SNAP91: variants seen among roughly 807,000 people sequenced by gnomAD.
SNAP91 encodes the protein clathrin coat assembly protein AP180.
A neutral mutation model predicts 100.3 loss-of-function variants in SNAP91; 27 were observed. The ratio of observed to expected loss-of-function variants is 0.27; its 90% CI spans 0.20 to 0.37. SNAP91 has a LOEUF of 0.37. Ranked by LOEUF, SNAP91 falls within the 10% of genes least tolerant of loss-of-function variation. The pLI is 1.00. For synonymous variants in SNAP91, 404 were observed against 398.6 expected (o/e 1.01, Z -0.16); for missense variants, 986 against 1,123.7 (o/e 0.88, Z 1.75).
At chr6:83,623,118 C>T (rs1019961690) in intron 9 of SNAP91, among the ~76,000 whole-genome samples, 183 bp downstream of exon 9, 7 of 152,082 alleles carry the variant, frequency 4.6e-5, no homozygotes, top group African/African-American at 1.7e-4. Context: ...AGAAAATCTT[C>T]CTATTACCTC....
At chr6:83,683,813 C>G (rs2099024528) in intron 2 of SNAP91, among the ~76,000 whole-genome samples, 1 of 152,148 alleles carries the variant, frequency 6.6e-6, no homozygotes, top group African/African-American at 2.4e-5. Flanking sequence ...TTGCCTAGCT[C>G]AGATAATGGT....
At chr6:83,706,500 T>C (rs1297113022) in intron 2 of SNAP91, among the ~76,000 whole-genome samples, 4 of 152,272 alleles carry the variant, frequency 2.6e-5, no homozygotes. Flanking sequence ...ATAATGGTAC[T>C]TTCCCCTCCG....
chr6:83,641,043 C>T, intron 8 of SNAP91, 53 bp downstream of exon 8: 1 of 1,040,000 alleles, frequency 9.6e-7, no homozygotes, highest in Non-Finnish European at 1.4e-6. Flanking sequence ...ACTCCAGATA[C>T]ATGAGCAAAT....
intron 2 of SNAP91, among the ~76,000 whole-genome samples, chr6:83,707,512 CTT>C (rs1491373166): frequency 4.1e-5 from 6 of 147,008 alleles, no homozygotes; most frequent in African/African-American, 1.6e-4. Flanking sequence ...CAATCTCTCT[CTT>C]GTGTGTGTGT....
At chr6:83,708,036 G>C (rs1302548483) in intron 1 of SNAP91, 79 bp from the exon 2 acceptor site, 3 of 1,315,684 alleles carry the variant, frequency 2.3e-6, no homozygotes, top group Non-Finnish European at 3.0e-6. Flanking sequence ...GCCTCCTCCA[G>C]CCGCGCGGCG....
Position 83,593,568 on chromosome 6 carries a change from T to C in SNAP91, c.1606A>G (p.Thr536Ala). Reference sequence around the variant, plus strand: ...GTGGCAGCGGCGGTGGCAGCAGTAGTGGCAGCAGCAGCAGCTGCAACGGCA... The same window carrying C: ...GTGGCAGCGGCGGTGGCAGCAGTAGCGGCAGCAGCAGCAGCTGCAACGGCA... The part of the protein sequence containing the change: ...APAVAAAAAA[T>A]TAATAAATTT... Residue 536 changes from threonine to alanine, a missense_variant, in exon 18 of 30, where the codon ACT becomes GCT. Transcript: ENST00000369694. 6.4e-7 allele frequency: 1 copy of C among 1,556,420 alleles called. No homozygotes were observed. The highest frequency in any genetic ancestry group is 1.2e-5 in the South Asian group (1 of 85,182).
intron 7 of SNAP91, among the ~76,000 whole-genome samples, chr6:83,654,763 A>C (rs1405154196): frequency 6.6e-6 from 1 of 152,196 alleles, no homozygotes; most frequent in African/African-American, 2.4e-5. Context: ...TGTATTTGAG[A>C]GGTTAACAGT....
rs868109392 is a variant in SNAP91 at position 83,553,674 on chromosome 6, G to A, written c.*622C>T. On this transcript the variant is annotated 3_prime_UTR_variant, in exon 30 of 30. Transcript: ENST00000369694. ...CTTGATAAGGTAGCTTCAAAGAGAAGTATTTATTATGGACGTTAACCTTTA... is the reference window on the plus strand; with the variant it reads ...CTTGATAAGGTAGCTTCAAAGAGAAATATTTATTATGGACGTTAACCTTTA... 3 of 152,056 alleles carry A rather than the reference G, an allele frequency of 2.0e-5. No homozygotes were observed. The highest frequency in any genetic ancestry group is 4.4e-5 in the Non-Finnish European group (3 of 67,998). The allele number at this position is 152,056 out of a possible 1,614,324, so 9.4% of individuals were successfully genotyped here.
intron 13 of SNAP91, 53 bp from the exon 14 acceptor site, chr6:83,605,856 G>A: frequency 7.1e-7 from 1 of 1,407,302 alleles, no homozygotes; most frequent in Non-Finnish European, 9.6e-7. Flanking sequence ...ATAACATAAA[G>A]GTGTTTTTGA....
chr6:83,689,803 CCAAA>C (rs1173357256), intron 2 of SNAP91, among the ~76,000 whole-genome samples: 3 of 152,020 alleles, frequency 2.0e-5, no homozygotes, highest in Non-Finnish European at 4.4e-5. Flanking sequence ...AAATTTGTTT[CCAAA>C]CATTTTATTT....
chr6:83,631,279 A>G (rs2097195325), intron 8 of SNAP91, among the ~76,000 whole-genome samples: 1 of 152,124 alleles, frequency 6.6e-6, no homozygotes, highest in Admixed American at 6.6e-5. Flanking sequence ...TATCTTGAAG[A>G]AAGTTCCATG....
intron 2 of SNAP91, among the ~76,000 whole-genome samples, chr6:83,669,345 T>C (rs918347835): frequency 2.0e-5 from 3 of 151,960 alleles, no homozygotes; most frequent in African/African-American, 7.2e-5. Context: ...AAAGTATAGA[T>C]ACAAACACAC....
intron 8 of SNAP91, among the ~76,000 whole-genome samples, chr6:83,633,236 T>C (rs983019117): frequency 2.0e-5 from 3 of 152,230 alleles, no homozygotes; most frequent in Admixed American, 2.0e-4. Flanking sequence ...TGATGTGAAC[T>C]GTCTGTGGGT....
rs144298194 is a variant in SNAP91 at position 83,608,096 on chromosome 6, T to C, written c.913-288A>G. 3.1e-3 allele frequency among the ~76,000 whole-genome samples: 467 copies of C among 152,292 alleles called. 2 individuals are homozygous for C. Among genetic ancestry groups the C allele is most frequent in the African/African-American group, 0.011 (439 of 41,564 alleles). ...TTAATTAAAATAAAAGCTAAATGTATTTCCTGAACATAAAATTATTAGGAA... is the reference window on the plus strand; with the variant it reads ...TTAATTAAAATAAAAGCTAAATGTACTTCCTGAACATAAAATTATTAGGAA... On this transcript the variant is annotated intron_variant, in intron 12 of 29. Coordinates refer to ENST00000369694, the MANE Select transcript of SNAP91 (RefSeq NM_001242792.2).
intron 14 of SNAP91, among the ~76,000 whole-genome samples, chr6:83,602,406 G>GTA (rs1180491886): frequency 2.0e-5 from 3 of 152,054 alleles, no homozygotes; most frequent in African/African-American, 7.2e-5. Flanking sequence ...CCTTGGAAAT[G>GTA]AGACCATCCA....
Position 83,673,901 on chromosome 6 carries a change from A to G in SNAP91, c.131-8320T>C, listed in dbSNP as rs551585750. On this transcript the variant is annotated intron_variant, in intron 2 of 29. Transcript: ENST00000369694. ...TTCATAATAAACAGTTGTTATTAAT[A>G]TAATAAACAGGATGGAAACATGTCT... 2.6e-5 allele frequency among the ~76,000 whole-genome samples: 4 copies of G among 152,366 alleles called. No individual in the cohort carries two copies. The East Asian group carries it at 7.7e-4, about 29-fold the overall frequency.
intron 22 of SNAP91, among the ~76,000 whole-genome samples, chr6:83,588,671 CA>C (rs2128172823): frequency 6.6e-6 from 1 of 152,216 alleles, no homozygotes; most frequent in South Asian, 2.1e-4. Flanking sequence ...CCCCCAGGGT[CA>C]AATCTCTTGG....
At chr6:83,592,297 C>T (rs148299226) in intron 21 of SNAP91, among the ~76,000 whole-genome samples, 158 bp downstream of exon 21, 5 of 150,924 alleles carry the variant, frequency 3.3e-5, no homozygotes, top group African/African-American at 9.7e-5. Context: ...ATGATGATGA[C>T]GAAGAAATGA....
intron 6 of SNAP91, 33 bp downstream of exon 6, chr6:83,658,966 T>C: frequency 1.4e-6 from 2 of 1,465,546 alleles, no homozygotes; most frequent in Non-Finnish European, 9.4e-7. Context: ...CAACATTGAT[T>C]GTGTATGAAA....
Sources: gnomAD v4.1 joint callset for allele counts (sites outside exome capture counted in the v4.1 genomes callset) on GRCh38, gnomAD v4.1.1 for gene constraint, MANE v1.5 for transcripts, NCBI Gene and HGNC (gene_info 2026-07-23, HGNC 2026-07-21) for gene names.